Variants in DNM3 observed in about 807,000 individuals in gnomAD.
DNM3 encodes dynamin-3.
Under a neutral mutation model 101.6 loss-of-function variants are expected in DNM3, and 47 were observed. The ratio of observed to expected loss-of-function variants is 0.46; its 90% CI spans 0.37 to 0.59. The LOEUF is 0.59. Ranked by LOEUF, DNM3 falls within the 20% of genes least tolerant of loss-of-function variation. The pLI, the probability that DNM3 is intolerant of heterozygous loss-of-function variation, is 0.00. For synonymous variants in DNM3, 385 were observed against 387.9 expected (o/e 0.99, Z 0.09); for missense variants, 849 against 1,085.7 (o/e 0.78, Z 3.06).
At chr1:171,844,300 C>G (rs143452301) in intron 1 of DNM3, among the ~76,000 whole-genome samples, 6 of 152,244 alleles carry the variant, frequency 3.9e-5, no homozygotes, top group Admixed American at 3.9e-4. Context: ...CTCTTTTACA[C>G]GAAACAGTTT....
intron 1 of DNM3, among the ~76,000 whole-genome samples, chr1:171,903,286 A>G (rs1190402319): frequency 6.6e-6 from 1 of 152,204 alleles, no homozygotes; most frequent in Non-Finnish European, 1.5e-5. Flanking sequence ...TGTTGTATGT[A>G]TATAGTTTGC....
chr1:171,865,132 C>T (rs889371679), intron 1 of DNM3, among the ~76,000 whole-genome samples: 1 of 125,512 alleles, frequency 8.0e-6, no homozygotes, highest in Non-Finnish European at 1.8e-5. Flanking sequence ...TGGCTTCCTA[C>T]AAACTATATT....
chr1:172,080,518 T>C (rs2053054475), intron 11 of DNM3, among the ~76,000 whole-genome samples: 1 of 152,332 alleles, frequency 6.6e-6, no homozygotes, highest in Middle Eastern at 3.4e-3. Flanking sequence ...ACTGCTGTGC[T>C]GGCAGTGAGA....
intron 16 of DNM3, among the ~76,000 whole-genome samples, chr1:172,315,666 A>G (rs1345076056): frequency 6.6e-6 from 1 of 152,226 alleles, no homozygotes; most frequent in Non-Finnish European, 1.5e-5. Context: ...AATGAAATGA[A>G]GTGAGAAGGG....
intron 4 of DNM3, among the ~76,000 whole-genome samples, chr1:172,027,005 G>A (rs2048251299): frequency 3.3e-5 from 5 of 152,060 alleles, no homozygotes; most frequent in Admixed American, 6.5e-5. Flanking sequence ...CTTCATAATT[G>A]AAGGAGAAAT....
At position 172,408,278 on chromosome 1, in the gene DNM3, A is replaced by T. The variant is rs2149131122; in HGVS notation, c.*437A>T. 1 of 990,148 alleles carries T rather than the reference A, an allele frequency of 1.0e-6. No individual in the cohort carries two copies. Among genetic ancestry groups the T allele is most frequent in the South Asian group, 4.6e-5 (1 of 21,598 alleles). The allele number at this position is 990,148 out of a possible 1,614,324, so 61.3% of individuals were successfully genotyped here. A position where few individuals can be genotyped will look rare whatever the true frequency, so the allele number is the denominator to read the frequency against. On this transcript the variant is annotated 3_prime_UTR_variant, in exon 21 of 21. Coordinates refer to ENST00000627582, the MANE Select transcript of DNM3 (RefSeq NM_015569.5). ...TAGGATGACAGTAATTCTGTTGTCTACCATTAATGCTACTACCTACTCCAT... is the reference window on the plus strand; with the variant it reads ...TAGGATGACAGTAATTCTGTTGTCTTCCATTAATGCTACTACCTACTCCAT...
intron 15 of DNM3, among the ~76,000 whole-genome samples, chr1:172,264,033 T>C (rs1197846462): frequency 1.3e-5 from 2 of 152,198 alleles, no homozygotes; most frequent in Non-Finnish European, 2.9e-5. Context: ...AGTTCTGAAG[T>C]GTCAGAATAG....
At chr1:172,059,093 A>G (rs1453997646) in intron 10 of DNM3, among the ~76,000 whole-genome samples, 2 of 151,966 alleles carry the variant, frequency 1.3e-5, no homozygotes, top group African/African-American at 2.4e-5. Flanking sequence ...TAGAAAATCT[A>G]GAAGAAATGG....
intron 1 of DNM3, among the ~76,000 whole-genome samples, chr1:171,875,022 G>A (rs1346539584): frequency 6.6e-6 from 1 of 152,086 alleles, no homozygotes; most frequent in African/African-American, 2.4e-5. Flanking sequence ...TGGCTGCATA[G>A]TATTCCATGG....
intron 14 of DNM3, 37 bp from the exon 15 acceptor site, chr1:172,253,536 T>A: frequency 1.6e-6 from 2 of 1,253,986 alleles, no homozygotes; most frequent in Non-Finnish European, 2.2e-6. Flanking sequence ...TCTCCTCTCC[T>A]CTCCTCTCCC....
chr1:171,974,446 C>G (rs1034818267), intron 2 of DNM3, among the ~76,000 whole-genome samples: 1 of 152,178 alleles, frequency 6.6e-6, no homozygotes, highest in Admixed American at 6.5e-5. Context: ...TTGAGGGGCT[C>G]TCTCTTTTGA....
chr1:172,040,203 A>G (rs745787239), intron 7 of DNM3, among the ~76,000 whole-genome samples: 5 of 152,166 alleles, frequency 3.3e-5, no homozygotes, highest in Non-Finnish European at 5.9e-5. Context: ...AAAATTTTTC[A>G]TGTTTCAGTG....
At chr1:172,301,907 TC>T (rs2148849188) in intron 15 of DNM3, among the ~76,000 whole-genome samples, 1 of 152,218 alleles carries the variant, frequency 6.6e-6, no homozygotes, top group African/African-American at 2.4e-5. Flanking sequence ...AAGGTTATGG[TC>T]CCGTTCCAAG....
chr1:171,974,722 A>G (rs2044248601), intron 2 of DNM3, among the ~76,000 whole-genome samples: 1 of 152,236 alleles, frequency 6.6e-6, no homozygotes, highest in Non-Finnish European at 1.5e-5. Flanking sequence ...ATCTAAGGGA[A>G]ACTTCTAAAT....
At chr1:172,200,316 G>C (rs764496736) in intron 14 of DNM3, among the ~76,000 whole-genome samples, 1 of 152,058 alleles carries the variant, frequency 6.6e-6, no homozygotes, top group Non-Finnish European at 1.5e-5. Context: ...GACCTGCCCT[G>C]TCTCTCTAGT....
intron 11 of DNM3, among the ~76,000 whole-genome samples, chr1:172,080,633 C>A (rs139493074): frequency 2.0e-5 from 3 of 152,058 alleles, no homozygotes; most frequent in Non-Finnish European, 4.4e-5. Flanking sequence ...GGGGAGTGAA[C>A]GGTTCTGTCT....
intron 14 of DNM3, among the ~76,000 whole-genome samples, chr1:172,183,485 A>G (rs535248545): frequency 2.1e-4 from 32 of 152,306 alleles, no homozygotes; most frequent in African/African-American, 7.2e-4. Flanking sequence ...ACCCAAATAC[A>G]CTGAAACATT....
rs186375422 is a variant in DNM3, at chr1:171,974,265, T to C, written c.236-13391T>C. On this transcript the variant is annotated intron_variant, in intron 2 of 20. Coordinates refer to ENST00000627582, the MANE Select transcript of DNM3 (RefSeq NM_015569.5). Reference sequence around the variant, plus strand: ...CTACACTGTTATTGAAATTGCAGTTTTCATTGTGATCTATATTATTCATAT... The same window carrying C: ...CTACACTGTTATTGAAATTGCAGTTCTCATTGTGATCTATATTATTCATAT... Among the ~76,000 whole-genome samples, 263 of 152,344 alleles carry C rather than the reference T, an allele frequency of 1.7e-3. 1 individual carries two copies. The highest frequency in any genetic ancestry group is 2.9e-3 in the Non-Finnish European group (195 of 68,034).
intron 17 of DNM3, among the ~76,000 whole-genome samples, chr1:172,363,943 T>G (rs982934654): frequency 6.6e-6 from 1 of 151,952 alleles, no homozygotes; most frequent in African/African-American, 2.4e-5. Context: ...TCACTTTCTT[T>G]CCATAGCCTT....
Sources: allele counts gnomAD v4.1 joint callset (sites outside exome capture counted in the v4.1 genomes callset), GRCh38; gene constraint gnomAD v4.1.1; transcripts MANE v1.5; gene names NCBI Gene and HGNC (gene_info 2026-07-23, HGNC 2026-07-21).